The following TMEM132C variants were observed in gnomAD, a reference collection of about 807,000 sequenced individuals.
The protein encoded by TMEM132C is protein phosphatase 1, regulatory subunit 152.
Under a neutral mutation model 61.4 loss-of-function variants are expected in TMEM132C, and 29 were observed. The ratio of observed to expected loss-of-function variants is 0.47; its 90% CI spans 0.35 to 0.64. TMEM132C has a LOEUF of 0.64. Ranked by LOEUF, TMEM132C falls within the 30% of genes least tolerant of loss-of-function variation. TMEM132C has a pLI of 0.00. For missense variants in TMEM132C, 1,408 were observed against 1,476.9 expected, an observed-to-expected ratio of 0.95 and a Z score of 0.76; for synonymous variants, 656 against 633.1, an observed-to-expected ratio of 1.04 and a Z score of -0.54.
intron 2 of TMEM132C, among the ~76,000 whole-genome samples, chr12:128,469,194 C>T (rs970487297): frequency 1.3e-5 from 2 of 152,150 alleles, no homozygotes; most frequent in African/African-American, 2.4e-5. Flanking sequence ...CAGAAGAGAT[C>T]TGGTGTTTCA....
At chr12:128,331,369 G>T (rs1183178105) in intron 1 of TMEM132C, among the ~76,000 whole-genome samples, 1 of 152,186 alleles carries the variant, frequency 6.6e-6, no homozygotes, top group East Asian at 1.9e-4. Flanking sequence ...CCAAATCAGG[G>T]CTTTTAGAAC....
intron 1 of TMEM132C, among the ~76,000 whole-genome samples, chr12:128,313,092 C>T (rs766380087): frequency 1.7e-4 from 26 of 152,348 alleles, no homozygotes; most frequent in African/African-American, 5.3e-4. Flanking sequence ...TGGCAGCCTC[C>T]GGCCTGCAAG....
chr12:128,659,793 T>TC (rs34164800), intron 4 of TMEM132C, among the ~76,000 whole-genome samples: 24,267 of 152,192 alleles, frequency 0.16, 2,077 homozygotes, highest in Middle Eastern at 0.24. Flanking sequence ...ATGAAAAATG[T>TC]CCATGTCCCA....
chr12:128,660,537 G>A (rs1185332156), intron 4 of TMEM132C, among the ~76,000 whole-genome samples: 2 of 152,190 alleles, frequency 1.3e-5, no homozygotes, highest in Non-Finnish European at 2.9e-5. Flanking sequence ...CAAAGTGTAA[G>A]GCAGGCTAAT....
chr12:128,410,694 G>A (rs1290358736), intron 1 of TMEM132C, among the ~76,000 whole-genome samples: 10 of 152,178 alleles, frequency 6.6e-5, no homozygotes, highest in Non-Finnish European at 1.3e-4. Flanking sequence ...GTGAGCCACC[G>A]CGCCTGGCCC....
In TMEM132C at chr12:128,706,442, A is replaced by G. The variant is rs752997375; in HGVS notation, c.*147A>G. 370 of 1,108,250 alleles carry G rather than the reference A, an allele frequency of 3.3e-4. No individual in the cohort carries two copies. The highest frequency in any genetic ancestry group is 6.9e-4 in the Admixed American group (21 of 30,282). 68.7% of individuals were successfully genotyped at this position (1,108,250 alleles called of 1,614,324 possible). ...GTTGGAAAGTTTTGAAGTCAGGAAAAGACGTTTTTGTATCAAGGGATTTTT... is the reference window on the plus strand; with the variant it reads ...GTTGGAAAGTTTTGAAGTCAGGAAAGGACGTTTTTGTATCAAGGGATTTTT... On this transcript the variant is annotated 3_prime_UTR_variant, in exon 9 of 9. Coordinates refer to ENST00000435159, the MANE Select transcript of TMEM132C (RefSeq NM_001136103.3).
intron 1 of TMEM132C, among the ~76,000 whole-genome samples, chr12:128,406,458 T>C (rs543294706): frequency 1.4e-4 from 21 of 152,100 alleles, no homozygotes; most frequent in Non-Finnish European, 2.9e-4. Context: ...CAAACAAATA[T>C]AAAATTACAG....
In TMEM132C at chr12:128,317,135, T is replaced by C. The variant is rs180761504; in HGVS notation, c.85+49648T>C. Reference sequence around the variant, plus strand: ...CAAAACCACATATTCCATCATAATCTTCTGAGAAGACTCTTATCTTCTCTA... The same window carrying C: ...CAAAACCACATATTCCATCATAATCCTCTGAGAAGACTCTTATCTTCTCTA... On this transcript the variant is annotated intron_variant, in intron 1 of 8. Coordinates refer to ENST00000435159, the MANE Select transcript of TMEM132C (RefSeq NM_001136103.3). Among the ~76,000 whole-genome samples, 672 of 152,322 alleles carry C rather than the reference T, an allele frequency of 4.4e-3. 4 individuals carry two copies. The highest frequency in any genetic ancestry group is 0.015 in the African/African-American group (638 of 41,564).
chr12:128,272,016 T>C (rs1870537512), intron 1 of TMEM132C, among the ~76,000 whole-genome samples: 1 of 152,250 alleles, frequency 6.6e-6, no homozygotes, highest in African/African-American at 2.4e-5. Flanking sequence ...GCCATCTACT[T>C]TGTTTAAAAG....
chr12:128,679,951 A>C (rs1024265652), intron 5 of TMEM132C, among the ~76,000 whole-genome samples: 3 of 152,158 alleles, frequency 2.0e-5, no homozygotes, highest in African/African-American at 7.2e-5. Context: ...AAATGCCAAG[A>C]GCTTGGGAAA....
At chr12:128,574,366 G>A (rs536654591) in intron 3 of TMEM132C, among the ~76,000 whole-genome samples, 24 of 152,354 alleles carry the variant, frequency 1.6e-4, no homozygotes, top group African/African-American at 5.1e-4. Flanking sequence ...TGGCTGAAGC[G>A]CTTCGCTGCT....
intron 3 of TMEM132C, among the ~76,000 whole-genome samples, chr12:128,607,605 A>G (rs760288153): frequency 4.6e-5 from 7 of 152,188 alleles, no homozygotes; most frequent in Non-Finnish European, 8.8e-5. Flanking sequence ...TATGTTTTCA[A>G]GATAATCCTG....
intron 8 of TMEM132C, among the ~76,000 whole-genome samples, chr12:128,703,134 C>CT (rs532208663): frequency 2.0e-5 from 3 of 152,020 alleles, no homozygotes; most frequent in Non-Finnish European, 2.9e-5. Context: ...GGACATATTT[C>CT]TTTTTTTTAT....
intron 4 of TMEM132C, among the ~76,000 whole-genome samples, chr12:128,620,245 A>AAAG (rs1953950932): frequency 6.6e-6 from 1 of 151,666 alleles, no homozygotes; most frequent in South Asian, 2.1e-4. Context: ...AAAAAAAAAA[A>AAAG]AAAAAAAAAG....
At chr12:128,607,034 G>A (rs1027922488) in intron 3 of TMEM132C, among the ~76,000 whole-genome samples, 4 of 152,246 alleles carry the variant, frequency 2.6e-5, no homozygotes, top group East Asian at 1.9e-4. Context: ...GGAGGGTGAC[G>A]AGTGCTGTAG....
intron 1 of TMEM132C, among the ~76,000 whole-genome samples, chr12:128,293,141 G>A (rs1305134118): frequency 4.6e-5 from 7 of 152,126 alleles, no homozygotes; most frequent in Non-Finnish European, 1.0e-4. Context: ...AGTGAGGACA[G>A]AGGATCCTCT....
chr12:128,599,207 C>A (rs1214550978), intron 3 of TMEM132C, among the ~76,000 whole-genome samples: 1 of 152,186 alleles, frequency 6.6e-6, no homozygotes, highest in African/African-American at 2.4e-5. Context: ...TGTCCCTTGA[C>A]CCTGAAGGTG....
intron 1 of TMEM132C, among the ~76,000 whole-genome samples, chr12:128,394,350 T>A (rs1190395212): frequency 2.6e-5 from 4 of 152,120 alleles, no homozygotes; most frequent in African/African-American, 7.2e-5. Context: ...ACATACGGAT[T>A]CCAGACACAA....
Position 128,630,038 on chromosome 12 carries a change from T to G in TMEM132C, c.1305+13703T>G, listed in dbSNP as rs937909972. ...GTTCTTACCATAATAAAATAAATTT[T>G]AAAAATTCAAATGCAAGCTGTGGGC... is the stretch of plus-strand genomic sequence containing the variant. On this transcript the variant is annotated intron_variant, in intron 4 of 8. Coordinates refer to ENST00000435159, the MANE Select transcript of TMEM132C (RefSeq NM_001136103.3). The surrounding 1 kb of genome is among the most constrained non-coding windows in gnomAD (Gnocchi z 4.3). 6.6e-6 allele frequency among the ~76,000 whole-genome samples: 1 copy of G among 151,828 alleles called. No homozygotes were observed. Among genetic ancestry groups the G allele is most frequent in the Non-Finnish European group, 1.5e-5 (1 of 67,982 alleles).
Sources: gnomAD v4.1 joint callset for allele counts (sites outside exome capture counted in the v4.1 genomes callset) on GRCh38, gnomAD v4.1.1 for gene constraint, Gnocchi (gnomAD v3.1) non-coding constraint, MANE v1.5 for transcripts, NCBI Gene and HGNC (gene_info 2026-07-23, HGNC 2026-07-21) for gene names.